Variants in CUL2 observed in about 807,000 individuals in gnomAD.
CUL2 encodes cullin-2.
CUL2 carries 22 observed loss-of-function variants against 110.2 expected under a neutral mutation model. That is an observed-to-expected ratio of 0.20 (90% confidence interval 0.14 to 0.28). The LOEUF (loss-of-function observed/expected upper bound fraction) is 0.28. CUL2 is among the 10% of genes least tolerant of loss of function. The pLI, the probability that CUL2 is intolerant of heterozygous loss-of-function variation, is 1.00. For synonymous variants in CUL2, 279 were observed against 293.2 expected (o/e 0.95, Z 0.49); for missense variants, 631 against 905.5 (o/e 0.70, Z 3.89).
intron 5 of CUL2, among the ~76,000 whole-genome samples, chr10:35,051,584 G>A (rs2086113366): frequency 6.6e-6 from 1 of 152,320 alleles, no homozygotes; most frequent in Non-Finnish European, 1.5e-5. Flanking sequence ...CTGCACTCCA[G>A]CCTGGGCGAC....
chr10:35,094,017 A>G (rs868144543), upstream of CUL2, among the ~76,000 whole-genome samples: 3 of 152,206 alleles, frequency 2.0e-5, no homozygotes, highest in Admixed American at 1.3e-4. Context: ...TAAATTTCTA[A>G]TACAATAACT....
At chr10:35,074,666 A>G (rs1381008313) in intron 1 of CUL2, among the ~76,000 whole-genome samples, 1 of 152,048 alleles carries the variant, frequency 6.6e-6, no homozygotes, top group Non-Finnish European at 1.5e-5. Context: ...TTGTATTGTT[A>G]ATAGAGACAG....
intron 1 of CUL2, among the ~76,000 whole-genome samples, chr10:35,117,957 C>T (rs2087629299): frequency 6.6e-6 from 1 of 152,100 alleles, no homozygotes. Context: ...CCTTTCATCC[C>T]CTCCCCCATA....
chr10:35,096,155 G>A (rs568511460), intron 2 of CUL2, among the ~76,000 whole-genome samples: 4 of 152,112 alleles, frequency 2.6e-5, no homozygotes, highest in Non-Finnish European at 2.9e-5. Context: ...GGCTGAGGCA[G>A]GAGAATCACT....
rs1206452321 is a variant in CUL2, at chr10:35,031,632, T to A, written c.1171-13A>T. 1.2e-6 allele frequency: 2 copies of A among 1,613,646 alleles called. No homozygotes were observed. Among genetic ancestry groups the A allele is most frequent in the Non-Finnish European group, 1.7e-6 (2 of 1,179,910 alleles). On this transcript the variant is annotated splice_polypyrimidine_tract_variant and intron_variant, in intron 12 of 20. Coordinates refer to ENST00000374749, the MANE Select transcript of CUL2 (RefSeq NM_003591.4). This position sits in a 1 kb window ranked among gnomAD's most constrained non-coding sequence, Gnocchi z 4.4. The stretch of plus-strand genomic sequence containing the variant: ...AGTACTTAGCAAGCTCATGTAGAAA[T>A]TGATAATAAATCTTACAAAGGGTGC...
chr10:35,055,461 C>T (rs2086218694), intron 4 of CUL2, among the ~76,000 whole-genome samples: 1 of 152,160 alleles, frequency 6.6e-6, no homozygotes, highest in African/African-American at 2.4e-5. Context: ...GGCCAGGCGT[C>T]GGGGCTCACG....
chr10:35,021,422 T>A (rs74994869), intron 17 of CUL2, among the ~76,000 whole-genome samples: 1 of 151,724 alleles, frequency 6.6e-6, no homozygotes, highest in African/African-American at 2.4e-5. Flanking sequence ...TACATTTTTT[T>A]ATATATGTAT....
chr10:35,028,850 G>T lies in CUL2; in HGVS notation c.1577C>A (p.Thr526Lys), dbSNP rs749222379. Residue 526 changes from threonine (T) to lysine (K), a missense_variant, in exon 16 of 21, where the codon ACG (threonine) becomes AAG (lysine). By Grantham distance (78) the Thr-to-Lys change is moderately conservative. Transcript: ENST00000374749. ...TTCTAATTCCTGGGGAATTGCAAAC[G>T]TAGATGAAGGAGCCTGAGTAAGAGG... is the stretch of plus-strand genomic sequence containing the variant. ...AWPLTQAPSS[T>K]FAIPQELEKS... 6.2e-7 allele frequency: 1 copy of T among 1,611,856 alleles called. No individual in the cohort carries two copies. Among genetic ancestry groups the T allele is most frequent in the Admixed American group, 1.7e-5 (1 of 59,944 alleles).
At chr10:35,109,989 C>T (rs2087507162) in intron 1 of CUL2, among the ~76,000 whole-genome samples, 1 of 152,164 alleles carries the variant, frequency 6.6e-6, no homozygotes, top group Non-Finnish European at 1.5e-5. Flanking sequence ...GCCTGGGCAA[C>T]ATAGTGAGAC....
chr10:35,061,769 G>GC (rs765869223), intron 3 of CUL2, among the ~76,000 whole-genome samples: 1 of 128,522 alleles, frequency 7.8e-6, no homozygotes, highest in Admixed American at 8.0e-5. Flanking sequence ...ACTTATGAGG[G>GC]TTTTTTTTTT....
chr10:35,041,403 A>C (rs964603521), intron 8 of CUL2, among the ~76,000 whole-genome samples: 1 of 152,308 alleles, frequency 6.6e-6, no homozygotes, highest in African/African-American at 2.4e-5. Context: ...GAAAGGCCAA[A>C]GCTATAAGAG....
intron 6 of CUL2, among the ~76,000 whole-genome samples, chr10:35,047,708 G>A (rs978000011): frequency 6.6e-6 from 1 of 150,818 alleles, no homozygotes; most frequent in Non-Finnish European, 1.5e-5. Flanking sequence ...TCTTGAGGTA[G>A]GAGCTCGAGA....
chr10:35,067,329 T>C (rs1347010973), intron 2 of CUL2, among the ~76,000 whole-genome samples: 3 of 152,138 alleles, frequency 2.0e-5, no homozygotes, highest in Non-Finnish European at 4.4e-5. Flanking sequence ...ATGTCTACAT[T>C]ATGCTGCTGG....
chr10:35,016,426 G>A, intron 17 of CUL2, 32 bp from the exon 18 acceptor site: 2 of 1,465,366 alleles, frequency 1.4e-6, no homozygotes, highest in Non-Finnish European at 1.9e-6. Flanking sequence ...ACAGTGAATT[G>A]ACCATTCAAA....
At chr10:35,073,245 T>G (rs947011006) in intron 1 of CUL2, among the ~76,000 whole-genome samples, 1 of 152,170 alleles carries the variant, frequency 6.6e-6, no homozygotes, top group African/African-American at 2.4e-5. Flanking sequence ...TAGCAGCGAT[T>G]TTACTCTGCA....
At chr10:35,063,199 T>C (rs930944656) in intron 2 of CUL2, 137 bp from the exon 3 acceptor site, 41 of 536,140 alleles carry the variant, frequency 7.6e-5, no homozygotes, top group Non-Finnish European at 6.3e-5. Flanking sequence ...TACTGTTGTA[T>C]ATATGACAAG....
rs1462760060 is a variant in CUL2 at position 35,021,186 on chromosome 10, A to G, written c.1684+3946T>C. 3.3e-5 allele frequency among the ~76,000 whole-genome samples: 5 copies of G among 151,784 alleles called. No homozygotes were observed. In the South Asian group the frequency reaches 1.0e-3, roughly 32 times the overall value. ...TCTGCAAGCCATGGACATGGTGACA[A>G]TTTTATTCCATTCTAACTGCAGATT... On this transcript the variant is annotated intron_variant, in intron 17 of 20. Coordinates refer to ENST00000374749, the MANE Select transcript of CUL2 (RefSeq NM_003591.4).
chr10:35,119,563 TA>T (rs1159369394), intron 1 of CUL2, among the ~76,000 whole-genome samples: 14 of 8,248 alleles, frequency 1.7e-3, no homozygotes, highest in Middle Eastern at 0.071. Flanking sequence ...AAATTAATTT[TA>T]TTTATTTATT....
intron 20 of CUL2, among the ~76,000 whole-genome samples, 180 bp from the exon 21 acceptor site, chr10:35,010,622 A>G (rs1227809892): frequency 6.6e-6 from 1 of 152,218 alleles, no homozygotes; most frequent in Non-Finnish European, 1.5e-5. Context: ...ATAATGATAC[A>G]TAATTAAGTG....
Sources: allele counts gnomAD v4.1 joint callset (sites outside exome capture counted in the v4.1 genomes callset), GRCh38; gene constraint gnomAD v4.1.1; non-coding constraint Gnocchi (gnomAD v3.1); transcripts MANE v1.5; gene names NCBI Gene and HGNC (gene_info 2026-07-23, HGNC 2026-07-21).